GPN1: variants seen among roughly 807,000 people sequenced by gnomAD.
The protein encoded by GPN1 is GPN-loop GTPase 1.
Under a neutral mutation model 55.9 loss-of-function variants are expected in GPN1, and 44 were observed. The ratio of observed to expected loss-of-function variants is 0.79; its 90% CI spans 0.62 to 1.01. The LOEUF (loss-of-function observed/expected upper bound fraction) is 1.01, where lower values mean the gene tolerates loss of function less well. GPN1 is among the 50% of genes least tolerant of loss of function. The pLI is 0.00. For synonymous variants in GPN1, 179 were observed against 162.5 expected (o/e 1.10, Z -0.77); for missense variants, 466 against 462.8 (o/e 1.01, Z -0.06).
chr2:27,628,279 G>T (rs906227760), upstream of GPN1: 1 of 1,021,266 alleles, frequency 9.8e-7, no homozygotes, highest in Non-Finnish European at 1.4e-6. Context: ...CACAGAAACA[G>T]ACTGGGTGGT....
intron 8 of GPN1, among the ~76,000 whole-genome samples, chr2:27,638,499 C>T (rs1050078470): frequency 6.6e-6 from 1 of 152,122 alleles, no homozygotes; most frequent in Non-Finnish European, 1.5e-5. Flanking sequence ...GTAGATTATC[C>T]CTCAGAGTCA....
Position 27,650,445 on chromosome 2 carries a change from A to T in GPN1, c.*245A>T. 3.4e-6 allele frequency: 1 copy of T among 291,104 alleles called. No individual in the cohort carries two copies. 18.0% of individuals were successfully genotyped at this position (291,104 alleles called of 1,614,324 possible). On this transcript the variant is annotated 3_prime_UTR_variant, in exon 14 of 14. Transcript: ENST00000610189. ...CTTGTATTTATGCAAGGAAGGATAT[A>T]CTGAGCTGATACTCTTCCAAGCCTA...
At chr2:27,637,837 A>G (rs1022069705) in intron 7 of GPN1, among the ~76,000 whole-genome samples, 1 of 152,230 alleles carries the variant, frequency 6.6e-6, no homozygotes, top group Non-Finnish European at 1.5e-5. Flanking sequence ...GTATTTACAA[A>G]TATTCCAAAA....
chr2:27,639,761 T>A (rs961273913), intron 9 of GPN1, among the ~76,000 whole-genome samples: 2 of 152,118 alleles, frequency 1.3e-5, no homozygotes, highest in African/African-American at 4.8e-5. Context: ...TGGCCTCAAG[T>A]GCACCTCCTG....
chr2:27,631,507 T>TTTATGAGGA (rs1476300846), intron 3 of GPN1: 2 of 453,216 alleles, frequency 4.4e-6, no homozygotes, highest in Middle Eastern at 1.2e-3. Flanking sequence ...GCTTGGTTTA[T>TTTATGAGGA]TTATGAGGAT....
At chr2:27,628,486 T>C (rs1482974213), upstream of GPN1, 1 of 1,551,480 alleles carries the variant, frequency 6.4e-7, no homozygotes, top group Admixed American at 2.0e-5. Context: ...ATCAGGAACC[T>C]GCGTCTGCAA....
At chr2:27,637,879 A>C (rs1673790508) in intron 7 of GPN1, among the ~76,000 whole-genome samples, 1 of 152,246 alleles carries the variant, frequency 6.6e-6, no homozygotes, top group Non-Finnish European at 1.5e-5. Flanking sequence ...GGTCCCAAGT[A>C]TTTTAGATAG....
At chr2:27,635,469 A>G (rs1673701211) in intron 7 of GPN1, among the ~76,000 whole-genome samples, 1 of 152,118 alleles carries the variant, frequency 6.6e-6, no homozygotes, top group East Asian at 1.9e-4. Flanking sequence ...TGTTGTTACA[A>G]AAAGGTGATG....
intron 3 of GPN1, chr2:27,631,605 C>T: frequency 1.7e-6 from 1 of 574,940 alleles, no homozygotes; most frequent in Non-Finnish European, 3.1e-6. Flanking sequence ...ATTTTGGTCA[C>T]TTTGCTTTCT....
intron 13 of GPN1, among the ~76,000 whole-genome samples, chr2:27,649,363 CTTAT>C (rs959355137): frequency 1.3e-5 from 2 of 151,898 alleles, no homozygotes; most frequent in Admixed American, 6.5e-5. Flanking sequence ...TGTAAATTGC[CTTAT>C]TTAATCAGAT....
At chr2:27,645,902 G>C (rs751231174) in intron 12 of GPN1, among the ~76,000 whole-genome samples, 37 of 151,940 alleles carry the variant, frequency 2.4e-4, no homozygotes, top group South Asian at 4.2e-4. Flanking sequence ...GCTAAATTTT[G>C]TATTTTTAGT....
chr2:27,629,816 C>T (rs773814147), intron 1 of GPN1, 43 bp from the exon 2 acceptor site: 30 of 1,027,530 alleles, frequency 2.9e-5, no homozygotes, highest in Non-Finnish European at 4.3e-5. Flanking sequence ...TCTCTCTTGT[C>T]CCCTCTTTGT....
intron 12 of GPN1, among the ~76,000 whole-genome samples, chr2:27,645,973 G>A (rs937331139): frequency 6.6e-6 from 1 of 151,924 alleles, no homozygotes. Flanking sequence ...CAAGTGATCT[G>A]CCCACCTCAG....
chr2:27,628,901 G>A (rs192643998), upstream of GPN1: 1,509 of 1,479,492 alleles, frequency 1.0e-3, 10 homozygotes, highest in African/African-American at 0.014. Flanking sequence ...TGACTCATCA[G>A]CCCTGCCCGA....
chr2:27,650,450 G>A lies in GPN1; in HGVS notation c.*250G>A. 1 of 262,246 alleles carries A rather than the reference G, an allele frequency of 3.8e-6. No individual in the cohort carries two copies. 16.2% of individuals were successfully genotyped at this position (262,246 alleles called of 1,614,324 possible). On this transcript the variant is annotated 3_prime_UTR_variant, in exon 14 of 14. Transcript: ENST00000610189. ...ATTTATGCAAGGAAGGATATACTGA[G>A]CTGATACTCTTCCAAGCCTACAACT...
chr2:27,629,784 TG>T, intron 1 of GPN1, 74 bp from the exon 2 acceptor site: 1 of 816,720 alleles, frequency 1.2e-6, no homozygotes, highest in Non-Finnish European at 2.2e-6. Context: ...TCTTAAGGCA[TG>T]GGTGTTAAAG....
At chr2:27,645,099 C>G (rs1674162265) in intron 12 of GPN1, among the ~76,000 whole-genome samples, 1 of 152,136 alleles carries the variant, frequency 6.6e-6, no homozygotes, top group African/African-American at 2.4e-5. Context: ...TCCAGAGTAG[C>G]TAGATCTACA....
In GPN1 at chr2:27,643,207, T is replaced by C. The variant is rs1326249071; in HGVS notation, c.931+688T>C. On this transcript the variant is annotated intron_variant, in intron 12 of 13. Transcript: ENST00000610189. The surrounding 1 kb of genome is among the most constrained non-coding windows in gnomAD (Gnocchi z 4.0). ...TTATAATTAAAAAAAATTTTTTTTT[T>C]TTTACAGTTTGACCTTAATTTCAGA... 6.6e-6 allele frequency among the ~76,000 whole-genome samples: 1 copy of C among 151,116 alleles called. No individual in the cohort carries two copies. The highest frequency in any genetic ancestry group is 3.2e-3 in the Middle Eastern group (1 of 316).
At chr2:27,649,345 G>T (rs966582017) in intron 13 of GPN1, among the ~76,000 whole-genome samples, 2 of 151,722 alleles carry the variant, frequency 1.3e-5, no homozygotes, top group African/African-American at 2.4e-5. Context: ...TTTAGGCTGG[G>T]TTTTACATGT....
Sources: allele counts gnomAD v4.1 joint callset (sites outside exome capture counted in the v4.1 genomes callset), GRCh38; gene constraint gnomAD v4.1.1; non-coding constraint Gnocchi (gnomAD v3.1); transcripts MANE v1.5; gene names NCBI Gene and HGNC (gene_info 2026-07-23, HGNC 2026-07-21).